IYD: variants seen among roughly 807,000 people sequenced by gnomAD.
IYD encodes iodotyrosine deiodinase, also known as iodotyrosine deiodinase 1.
A neutral mutation model predicts 28.4 loss-of-function variants in IYD; 25 were observed. The ratio of observed to expected loss-of-function variants is 0.88; its 90% confidence interval spans 0.64 to 1.23. IYD has a LOEUF of 1.23. Ranked by LOEUF, IYD falls within the 50% of genes most tolerant of loss-of-function variation. IYD has a pLI of 0.00. For missense variants in IYD, 352 were observed against 357.9 expected (o/e 0.98, Z 0.13); for synonymous variants, 140 against 130.8 (o/e 1.07, Z -0.48).
rs962412215 is a variant in IYD, at chr6:150,396,736, T to A, written c.688-1319T>A. 4 of 249,176 alleles carry A rather than the reference T, an allele frequency of 1.6e-5. No homozygotes were observed. The Admixed American group carries it at 1.7e-4, about 10-fold the overall frequency. 15.4% of individuals were successfully genotyped at this position (249,176 alleles called of 1,614,324 possible). A position where few individuals can be genotyped will look rare whatever the true frequency, so the allele number is the denominator to read the frequency against. Reference sequence around the variant, plus strand: ...AAAAATACAAAAAATGAGCCAGGCGTGGTGGCGGGCGCCTGTAGTCCCAGC... The same window carrying A: ...AAAAATACAAAAAATGAGCCAGGCGAGGTGGCGGGCGCCTGTAGTCCCAGC... On this transcript the variant is annotated intron_variant, in intron 4 of 4. Coordinates refer to ENST00000344419, the MANE Select transcript of IYD (RefSeq NM_203395.3).
chr6:150,376,295 A>T (rs1287642141), intron 1 of IYD, among the ~76,000 whole-genome samples: 1 of 152,220 alleles, frequency 6.6e-6, no homozygotes, highest in Non-Finnish European at 1.5e-5. Flanking sequence ...TAATAGAAGG[A>T]AAGGCATACA....
In IYD at chr6:150,404,630, C is replaced by T. The variant is rs571429874; in HGVS notation, c.*6393C>T. 6.6e-6 allele frequency: 1 copy of T among 152,194 alleles called. No individual in the cohort carries two copies. The highest frequency in any genetic ancestry group is 6.5e-5 in the Admixed American group (1 of 15,284). 9.4% of individuals were successfully genotyped at this position (152,194 alleles called of 1,614,324 possible). ...TAATAAACAAAGCCTATAACTAAGA[C>T]TGATGCTTTAAGGGAGTTTGGCTTA... On this transcript the variant is annotated 3_prime_UTR_variant, in exon 5 of 5. Coordinates refer to ENST00000344419, the MANE Select transcript of IYD (RefSeq NM_203395.3).
intron 1 of IYD, among the ~76,000 whole-genome samples, chr6:150,380,103 T>A (rs1383557598): frequency 6.6e-6 from 1 of 152,230 alleles, no homozygotes; most frequent in Non-Finnish European, 1.5e-5. Context: ...AATATATATA[T>A]CAAAGGCTCA....
intron 1 of IYD, among the ~76,000 whole-genome samples, chr6:150,383,516 C>A (rs559044637): frequency 6.6e-6 from 1 of 152,308 alleles, no homozygotes; most frequent in African/African-American, 2.4e-5. Flanking sequence ...ATATATCTTA[C>A]AAAGGATTTC....
chr6:150,377,620 G>A (rs979035305), intron 1 of IYD, among the ~76,000 whole-genome samples: 4 of 152,214 alleles, frequency 2.6e-5, no homozygotes, highest in African/African-American at 9.6e-5. Context: ...CTAATTAGGA[G>A]AGTCTGCCTT....
intron 1 of IYD, chr6:150,369,915 A>G: frequency 1.4e-6 from 1 of 698,972 alleles, no homozygotes; most frequent in Non-Finnish European, 2.6e-6. Context: ...GAGGAAGTGG[A>G]GAATTGAGGG....
chr6:150,385,554 C>A (rs1777830747), intron 1 of IYD, among the ~76,000 whole-genome samples: 2 of 119,804 alleles, frequency 1.7e-5, no homozygotes, highest in South Asian at 5.4e-4. Flanking sequence ...ATAATTCTAA[C>A]TTGGCCAAGA....
rs200472184 is a variant in IYD, at chr6:150,387,443, A to AT, written c.179-1909_179-1908insT. 7.0e-3 allele frequency among the ~76,000 whole-genome samples: 1,070 copies of AT among 151,950 alleles called. 10 individuals carry two copies. The highest frequency in any genetic ancestry group is 0.021 in the African/African-American group (861 of 41,448). On this transcript the variant is annotated intron_variant, in intron 1 of 4. Transcript: ENST00000344419. Reference sequence around the variant, plus strand: ...AAAAGTTCTTGTAAAAAAAAAAAAAAAAAAAGAATTTACCAGCCCTCTTGA... The same window carrying AT: ...AAAAGTTCTTGTAAAAAAAAAAAAAATAAAAAGAATTTACCAGCCCTCTTGA...
At chr6:150,388,214 C>T (rs1244175807) in intron 1 of IYD, among the ~76,000 whole-genome samples, 1 of 152,194 alleles carries the variant, frequency 6.6e-6, no homozygotes, top group Non-Finnish European at 1.5e-5. Context: ...GAATAATTTA[C>T]TTATGATTGA....
chr6:150,396,686 A>G (rs1236664153), intron 4 of IYD: 3 of 350,144 alleles, frequency 8.6e-6, no homozygotes, highest in African/African-American at 2.2e-5. Flanking sequence ...CATCCTGGCT[A>G]ACATGGTGAA....
chr6:150,388,676 T>TTTCTTTC (rs1380214578), intron 1 of IYD, among the ~76,000 whole-genome samples: 2 of 145,470 alleles, frequency 1.4e-5, no homozygotes, highest in Non-Finnish European at 3.0e-5. Context: ...TCTTTCTTTC[T>TTTCTTTC]TTCTTTCTTC....
chr6:150,382,088 G>A (rs969418346), intron 1 of IYD, among the ~76,000 whole-genome samples: 17 of 152,152 alleles, frequency 1.1e-4, no homozygotes, highest in African/African-American at 3.9e-4. Context: ...GAGTACTGTC[G>A]GCCTCTTGCA....
At chr6:150,370,438 AGAGTGTGTGCAT>A in intron 1 of IYD, 2 of 956,678 alleles carry the variant, frequency 2.1e-6, no homozygotes, top group Non-Finnish European at 2.5e-6. Context: ...TGTTTGTGAG[AGAGTGTGTGCAT>A]GAGTGTGTGT....
At chr6:150,386,417 A>T (rs1460199196) in intron 1 of IYD, among the ~76,000 whole-genome samples, 8 of 150,946 alleles carry the variant, frequency 5.3e-5, no homozygotes, top group Non-Finnish European at 8.9e-5. Context: ...ACAGTCAGAG[A>T]TCATTATCTA....
rs1778530149 is a variant in IYD at position 150,402,166 on chromosome 6, TG to T, written c.*3930del. 6.6e-6 allele frequency: 1 copy of T among 152,276 alleles called. No homozygotes were observed. Among genetic ancestry groups the T allele is most frequent in the Non-Finnish European group, 1.5e-5 (1 of 68,068 alleles). 9.4% of individuals were successfully genotyped at this position (152,276 alleles called of 1,614,324 possible). On this transcript the variant is annotated 3_prime_UTR_variant, in exon 5 of 5. Transcript: ENST00000344419. Reference sequence around the variant, plus strand: ...CATTTATTGGGCAGGCAAAGTCCTCTGCAGGCCTGGAAACCCTCCGAGACAA... The same window carrying T: ...CATTTATTGGGCAGGCAAAGTCCTCTCAGGCCTGGAAACCCTCCGAGACAA...
chr6:150,381,000 G>C (rs1005330932), intron 1 of IYD, among the ~76,000 whole-genome samples: 6 of 152,140 alleles, frequency 3.9e-5, no homozygotes, highest in African/African-American at 1.4e-4. Context: ...AATCGTCAGA[G>C]GTTTACAATT....
chr6:150,396,215 A>G (rs1049023755), intron 4 of IYD: 2 of 341,768 alleles, frequency 5.9e-6, no homozygotes, highest in Non-Finnish European at 1.0e-5. Context: ...TACATTTATA[A>G]AGGAAGAAAC....
At chr6:150,392,213 T>A in intron 2 of IYD, 132 bp from the exon 3 acceptor site, 1 of 1,422,042 alleles carries the variant, frequency 7.0e-7, no homozygotes, top group Non-Finnish European at 9.6e-7. Flanking sequence ...AAAAAAAATC[T>A]GCAAAATTTT....
At chr6:150,392,258 T>C in intron 2 of IYD, 87 bp from the exon 3 acceptor site, 1 of 1,602,342 alleles carries the variant, frequency 6.2e-7, no homozygotes, top group Non-Finnish European at 8.5e-7. Flanking sequence ...CCAAAGTGCT[T>C]GGACTACAGG....
Sources: gnomAD v4.1 joint callset for allele counts (sites outside exome capture counted in the v4.1 genomes callset) on GRCh38, gnomAD v4.1.1 for gene constraint, MANE v1.5 for transcripts, NCBI Gene and HGNC (gene_info 2026-07-23, HGNC 2026-07-21) for gene names.